KAZN: variants seen among roughly 807,000 people sequenced by gnomAD.
The protein encoded by KAZN is kazrin, periplakin interacting protein, also known as kazrin.
Under a neutral mutation model 87.4 loss-of-function variants are expected in KAZN, and 40 were observed. The observed-to-expected ratio is 0.46, with a 90% CI of 0.36 to 0.60. KAZN has a LOEUF of 0.60. Among genes scored for constraint, KAZN ranks in the 20% least tolerant of loss-of-function variants. The probability of loss-of-function intolerance (pLI) is 0.00; values close to 1 mark genes in which losing one functional copy is unlikely to be tolerated. For missense variants in KAZN, 898 were observed against 1,073.9 expected (o/e 0.84, Z 2.29); for synonymous variants, 466 against 458.3 (o/e 1.02, Z -0.22).
At chr1:13,993,568 A>C (rs1016159315) in intron 1 of KAZN, among the ~76,000 whole-genome samples, 7 of 152,232 alleles carry the variant, frequency 4.6e-5, no homozygotes, top group African/African-American at 1.7e-4. Flanking sequence ...GATATGTATC[A>C]AGTACTGATT....
At chr1:14,568,251 A>C (rs141831274) in intron 2 of KAZN, among the ~76,000 whole-genome samples, 91 of 152,288 alleles carry the variant, frequency 6.0e-4, no homozygotes, top group Non-Finnish European at 9.3e-4. Context: ...AGGGAGTGAC[A>C]AGTGACCTTT....
chr1:14,675,311 C>T (rs1002231059), intron 1 of KAZN, among the ~76,000 whole-genome samples: 3 of 152,208 alleles, frequency 2.0e-5, no homozygotes, highest in Non-Finnish European at 4.4e-5. Context: ...TCTCAGAGTG[C>T]GTCTGGGATA....
At chr1:14,937,217 C>G (rs1291324141) in intron 1 of KAZN, among the ~76,000 whole-genome samples, 4 of 152,238 alleles carry the variant, frequency 2.6e-5, no homozygotes, top group Admixed American at 2.0e-4. Context: ...AAGCCTGTGT[C>G]TATGCCCCTT....
At chr1:14,340,058 G>A (rs1017897332) in intron 2 of KAZN, among the ~76,000 whole-genome samples, 8 of 151,860 alleles carry the variant, frequency 5.3e-5, no homozygotes, top group Non-Finnish European at 1.0e-4. Context: ...ACATATCTGG[G>A]TGTTTCATAT....
chr1:14,794,154 T>C (rs1645763682), intron 1 of KAZN, among the ~76,000 whole-genome samples: 1 of 152,152 alleles, frequency 6.6e-6, no homozygotes, highest in African/African-American at 2.4e-5. Context: ...CCGGTTCTTC[T>C]AGGGTGCCCT....
chr1:14,276,859 A>G (rs541798205), intron 2 of KAZN, among the ~76,000 whole-genome samples: 29 of 152,260 alleles, frequency 1.9e-4, no homozygotes, highest in African/African-American at 7.0e-4. Flanking sequence ...TGTTGAACCA[A>G]TCTTGCATTC....
intron 2 of KAZN, among the ~76,000 whole-genome samples, chr1:14,535,473 C>T (rs1672444901): frequency 1.3e-5 from 2 of 152,304 alleles, no homozygotes; most frequent in African/African-American, 4.8e-5. Context: ...TGAGACCATC[C>T]TGGCCAACAT....
intron 1 of KAZN, among the ~76,000 whole-genome samples, chr1:14,040,670 CA>C (rs1452365801): frequency 6.6e-6 from 1 of 152,088 alleles, no homozygotes; most frequent in Admixed American, 6.6e-5. Flanking sequence ...GGGGCTGAGG[CA>C]GGAGAATCAC....
At position 14,874,470 on chromosome 1, in the gene KAZN, C is replaced by CTGGATGGATGGATGGA. The variant is rs58006026; in HGVS notation, c.227-86177_227-86162dup. ...CATGAATCGCTAGCTAGCTGGCTGA[C>CTGGATGGATGGATGGA]TGGATGGATGGATGGATGGATGGAT... On this transcript the variant is annotated intron_variant, in intron 1 of 14. Transcript: ENST00000376030. Among the ~76,000 whole-genome samples, 18 of 148,100 alleles carry CTGGATGGATGGATGGA rather than the reference C, an allele frequency of 1.2e-4. 1 individual carries two copies. The highest frequency in any genetic ancestry group is 3.4e-4 in the Admixed American group (5 of 14,702).
intron 2 of KAZN, among the ~76,000 whole-genome samples, chr1:14,552,442 G>A (rs1312160041): frequency 1.3e-5 from 2 of 152,192 alleles, no homozygotes; most frequent in East Asian, 1.9e-4. Flanking sequence ...TCCGGCAACC[G>A]GCAGTCTGAT....
Position 14,106,920 on chromosome 1 carries a change from C to A in KAZN, c.92-73515C>A, listed in dbSNP as rs563288284. On this transcript the variant is annotated intron_variant, in intron 1 of 16. Transcript: ENST00000636203. Reference sequence around the variant, plus strand: ...TTTACCAGGTTTCCATTGATACACTCAACCACCCTTTCCCTCCCTCCCTCC... The same window carrying A: ...TTTACCAGGTTTCCATTGATACACTAAACCACCCTTTCCCTCCCTCCCTCC... Among the ~76,000 whole-genome samples, 3 of 150,986 alleles carry A rather than the reference C, an allele frequency of 2.0e-5. No homozygotes were observed. The South Asian group carries it at 6.4e-4, about 32-fold the overall frequency.
chr1:14,638,593 C>A (rs369248838), intron 1 of KAZN, among the ~76,000 whole-genome samples: 42 of 131,446 alleles, frequency 3.2e-4, no homozygotes, highest in Non-Finnish European at 5.0e-4. Flanking sequence ...AAAAAAAAAA[C>A]AAAAAGGGTT....
At chr1:15,054,357 C>T (rs1231492255) in intron 4 of KAZN, among the ~76,000 whole-genome samples, 3 of 151,956 alleles carry the variant, frequency 2.0e-5, no homozygotes, top group Non-Finnish European at 2.9e-5. Flanking sequence ...CCCCCGGAGC[C>T]AATCAGAAGT....
chr1:14,481,413 C>T (rs936532731), intron 2 of KAZN, among the ~76,000 whole-genome samples: 3 of 133,980 alleles, frequency 2.2e-5, no homozygotes, highest in Non-Finnish European at 4.9e-5. Flanking sequence ...AGTGTTAGGG[C>T]CAATTTTCTA....
At chr1:14,387,403 T>C (rs1480127667) in intron 2 of KAZN, among the ~76,000 whole-genome samples, 1 of 152,224 alleles carries the variant, frequency 6.6e-6, no homozygotes, top group Non-Finnish European at 1.5e-5. Flanking sequence ...CTTTTAGAGT[T>C]TCCAGTTTTT....
chr1:14,365,369 G>GGT (rs1557665698), intron 2 of KAZN, among the ~76,000 whole-genome samples: 2 of 3,012 alleles, frequency 6.6e-4, no homozygotes, highest in Non-Finnish European at 6.9e-4. Context: ...CCCCCGGGGT[G>GGT]GGGGGGGGGG....
chr1:14,167,811 C>A (rs1259601509), intron 1 of KAZN, among the ~76,000 whole-genome samples: 1 of 152,066 alleles, frequency 6.6e-6, no homozygotes, highest in East Asian at 1.9e-4. Context: ...AGTAAAAGGC[C>A]TTGAGGTGGA....
chr1:14,818,091 C>G (rs144588415), intron 1 of KAZN, among the ~76,000 whole-genome samples: 39 of 152,376 alleles, frequency 2.6e-4, no homozygotes, highest in African/African-American at 9.1e-4. Flanking sequence ...CCTTCTCTTC[C>G]CCTCTTATTC....
chr1:14,550,981 G>A (rs1288516217), intron 2 of KAZN, among the ~76,000 whole-genome samples: 1 of 151,462 alleles, frequency 6.6e-6, no homozygotes, highest in African/African-American at 2.4e-5. Context: ...CCCTATCCCG[G>A]CTACTTTGTT....
Sources: gnomAD v4.1 joint callset for allele counts (sites outside exome capture counted in the v4.1 genomes callset) on GRCh38, gnomAD v4.1.1 for gene constraint, MANE v1.5 for transcripts, NCBI Gene and HGNC (gene_info 2026-07-23, HGNC 2026-07-21) for gene names.